The following FMOD variants were observed in gnomAD, a reference collection of about 807,000 sequenced individuals.
The protein encoded by FMOD is KSPG fibromodulin.
FMOD carries 15 observed loss-of-function variants against 27.0 expected under a neutral mutation model. The ratio of observed to expected loss-of-function variants is 0.55; its 90% CI spans 0.37 to 0.85. The LOEUF is 0.85. FMOD is among the 40% of genes least tolerant of loss of function. The probability of loss-of-function intolerance (pLI) is 0.00; values close to 1 mark genes in which losing one functional copy is unlikely to be tolerated. For synonymous variants in FMOD, 210 were observed against 214.0 expected, an observed-to-expected ratio of 0.98 and a Z score of 0.16; for missense variants, 460 against 483.2, an observed-to-expected ratio of 0.95 and a Z score of 0.45.
intron 1 of FMOD, 110 bp from the exon 2 acceptor site, chr1:203,348,387 A>C (rs1164499744): frequency 1.8e-6 from 2 of 1,119,606 alleles, no homozygotes; most frequent in Non-Finnish European, 2.5e-6. Flanking sequence ...GCTGACTTCC[A>C]TGTCAAACAT....
chr1:203,346,240 A>G (rs1034601846), intron 2 of FMOD, among the ~76,000 whole-genome samples: 1 of 152,034 alleles, frequency 6.6e-6, no homozygotes, highest in East Asian at 1.9e-4. Flanking sequence ...GTGCGGTTCT[A>G]TCTCAGCAGG....
intron 2 of FMOD, 56 bp downstream of exon 2, chr1:203,347,236 G>C: frequency 6.5e-7 from 1 of 1,540,652 alleles, no homozygotes; most frequent in Non-Finnish European, 8.7e-7. Flanking sequence ...ACTCAGAATA[G>C]TGTCTTTCAA....
At position 203,351,025 on chromosome 1, in the gene FMOD, A is replaced by G. The variant is rs551247229; in HGVS notation, c.-8+8T>C. On this transcript the variant is annotated splice_region_variant and intron_variant, in intron 1 of 2. Transcript: ENST00000354955. ...GGGACAAACCCGAAGTAAAACGACTATACTTACCTCAAGTTGAACTTTTCA... is the reference window on the plus strand; with the variant it reads ...GGGACAAACCCGAAGTAAAACGACTGTACTTACCTCAAGTTGAACTTTTCA... The G allele has an allele frequency of 3.8e-4, 58 of 152,340 alleles. No homozygotes were observed. Among genetic ancestry groups the G allele is most frequent in the African/African-American group, 1.2e-3 (51 of 41,558 alleles). 9.4% of individuals were successfully genotyped at this position (152,340 alleles called of 1,614,324 possible). A position where few individuals can be genotyped will look rare whatever the true frequency, so the allele number is the denominator to read the frequency against.
At chr1:203,348,524 G>A (rs927693997) in intron 1 of FMOD, among the ~76,000 whole-genome samples, 12 of 152,146 alleles carry the variant, frequency 7.9e-5, no homozygotes. Context: ...TAGAGTCACA[G>A]ACAGAATGTC....
intron 1 of FMOD, 100 bp from the exon 2 acceptor site, chr1:203,348,377 G>T: frequency 8.0e-7 from 1 of 1,243,536 alleles, no homozygotes; most frequent in Non-Finnish European, 1.1e-6. Context: ...GCTATGCAGA[G>T]CTGACTTCCA....
intron 1 of FMOD, among the ~76,000 whole-genome samples, chr1:203,349,998 G>A (rs140013273): frequency 4.3e-4 from 65 of 152,324 alleles, no homozygotes; most frequent in East Asian, 3.5e-3. Flanking sequence ...CGAATGGAGC[G>A]GCCCACTGCC....
At position 203,347,650 on chromosome 1, in the gene FMOD, G is replaced by A; in HGVS notation, c.621C>T (p.Leu207=). ...CCACTTCCTGGATCTCATTGTGTTG[G>A]AGGTACAAGGCCGTGAGGTTCTCCA... ...EGLENLTALY[L]QHNEIQEVGS... The change falls in exon 2 of 3, where the codon CTC becomes CTT. Residue 207 remains leucine (L), a synonymous_variant. Coordinates refer to ENST00000354955, the MANE Select transcript of FMOD (RefSeq NM_002023.5). The A allele has an allele frequency of 4.3e-6, 7 of 1,614,190 alleles. No homozygotes were observed. The highest frequency in any genetic ancestry group is 5.9e-6 in the Non-Finnish European group (7 of 1,180,028).
At position 203,348,201 on chromosome 1, in the gene FMOD, G is replaced by C. The variant is rs139299015; in HGVS notation, c.70C>G (p.Pro24Ala). The C allele has an allele frequency of 9.9e-5, 160 of 1,614,024 alleles. No homozygotes were observed. The highest frequency in any genetic ancestry group is 1.3e-4 in the Non-Finnish European group (154 of 1,180,032). ...SLSQAQYEDD[P>A]HWWFHYLRSQ... ...CGGAGGTAGTGGAACCACCAATGAGGGTCATCTTCATACTGGGCCTGGGAG... is the reference window on the plus strand; with the variant it reads ...CGGAGGTAGTGGAACCACCAATGAGCGTCATCTTCATACTGGGCCTGGGAG... The change falls in exon 2 of 3, where the codon CCT (proline) becomes GCT (alanine). Residue 24 changes from proline to alanine, a missense_variant. Transcript: ENST00000354955.
intron 2 of FMOD, among the ~76,000 whole-genome samples, chr1:203,346,233 C>A (rs999081793): frequency 6.6e-6 from 1 of 152,032 alleles, no homozygotes; most frequent in African/African-American, 2.4e-5. Flanking sequence ...TTTGATGGTG[C>A]GGTTCTATCT....
Position 203,347,405 on chromosome 1 carries a change from G to A in FMOD, c.866C>T (p.Thr289Ile). Residue 289 changes from threonine (T) to isoleucine (I), a missense_variant, in exon 2 of 3, where the codon ACC (threonine) becomes ATC (isoleucine). Transcript: ENST00000354955. ...SLTNNGLASN[T>I]FNSSSLLELD... ...CTCAAGGAGGCTGCTGGAATTGAAG[G>A]TGTTGGAGGCCAGGCCATTGTTGGT... 6.2e-7 allele frequency: 1 copy of A among 1,614,170 alleles called. No individual in the cohort carries two copies. The highest frequency in any genetic ancestry group is 1.1e-5 in the South Asian group (1 of 91,088).
chr1:203,343,818 A>C (rs1270298788), intron 2 of FMOD, among the ~76,000 whole-genome samples: 1 of 152,192 alleles, frequency 6.6e-6, no homozygotes, highest in Non-Finnish European at 1.5e-5. Context: ...CAGCATGGAG[A>C]GCTTAAAGAG....
intron 2 of FMOD, among the ~76,000 whole-genome samples, chr1:203,343,707 G>A (rs941484653): frequency 1.3e-5 from 2 of 152,236 alleles, no homozygotes; most frequent in African/African-American, 4.8e-5. Flanking sequence ...GGCACGAGGA[G>A]TGGGGGCAGG....
In FMOD at chr1:203,347,903, C is replaced by A. The variant is rs138918636; in HGVS notation, c.368G>T (p.Gly123Val). Residue 123 changes from glycine (G) to valine (V), a missense_variant, in exon 2 of 3, where the codon GGC becomes GTC. Transcript: ENST00000354955. Reference sequence around the variant, plus strand: ...CAGCCCTGTGGCATTGTCAAAGACGCCTTCCTGGATGGAGGTGATCTGGTT... The same window carrying A: ...CAGCCCTGTGGCATTGTCAAAGACGACTTCCTGGATGGAGGTGATCTGGTT... ...QNNQITSIQE[G>V]VFDNATGLLW... 4.2e-5 allele frequency: 67 copies of A among 1,613,430 alleles called. No homozygotes were observed. The African/African-American group carries it at 7.5e-4, about 18-fold the overall frequency.
At chr1:203,346,907 G>A (rs993765743) in intron 2 of FMOD, among the ~76,000 whole-genome samples, 39 of 152,148 alleles carry the variant, frequency 2.6e-4, no homozygotes, top group African/African-American at 8.9e-4. Flanking sequence ...TCTCAGACAC[G>A]TGACATTTCC....
At position 203,347,722 on chromosome 1, in the gene FMOD, G is replaced by T. The variant is rs775467919; in HGVS notation, c.549C>A (p.Leu183=). 6.8e-6 allele frequency: 11 copies of T among 1,613,962 alleles called. No homozygotes were observed. The South Asian group carries it at 1.2e-4, about 18-fold the overall frequency. ...PLPRSLRELH[L]DHNQISRVPN... ...GGACCCGTGAGATCTGGTTGTGGTC[G>T]AGATGGAGCTCTCTCAGGGATCGAG... The change falls in exon 2 of 3, where the codon CTC becomes CTA. Residue 183 remains leucine, a synonymous_variant. Coordinates refer to ENST00000354955, the MANE Select transcript of FMOD (RefSeq NM_002023.5).
intron 2 of FMOD, among the ~76,000 whole-genome samples, chr1:203,343,403 A>G (rs1316714569): frequency 6.6e-6 from 1 of 152,212 alleles, no homozygotes; most frequent in African/African-American, 2.4e-5. Context: ...AAAAGCCAAG[A>G]ACTCAGCTAA....
chr1:203,345,781 G>A (rs1195701296), intron 2 of FMOD, among the ~76,000 whole-genome samples: 7 of 151,662 alleles, frequency 4.6e-5, no homozygotes, highest in Admixed American at 3.3e-4. Flanking sequence ...GCCTGTAGTC[G>A]CAGCTACTCA....
intron 2 of FMOD, 40 bp from the exon 3 acceptor site, chr1:203,342,534 C>G: frequency 6.3e-7 from 1 of 1,591,090 alleles, no homozygotes; most frequent in Non-Finnish European, 8.6e-7. Flanking sequence ...GAGAGAAGCC[C>G]AGATTACGAA....
chr1:203,342,865 A>T (rs1658821734), intron 2 of FMOD, among the ~76,000 whole-genome samples: 1 of 152,096 alleles, frequency 6.6e-6, no homozygotes, highest in South Asian at 2.1e-4. Context: ...CCAACCGTAG[A>T]CACCTTGAAA....
Sources: allele counts gnomAD v4.1 joint callset (sites outside exome capture counted in the v4.1 genomes callset), GRCh38; gene constraint gnomAD v4.1.1; transcripts MANE v1.5; gene names NCBI Gene and HGNC (gene_info 2026-07-23, HGNC 2026-07-21).